Variants in KIF21A observed in about 807,000 individuals in gnomAD.
The protein encoded by KIF21A is kinesin-like protein KIF21A.
KIF21A carries 114 observed loss-of-function variants against 202.9 expected under a neutral mutation model. The ratio of observed to expected loss-of-function variants is 0.56; its 90% CI spans 0.48 to 0.66. The LOEUF is 0.66. Ranked by LOEUF, KIF21A falls within the 30% of genes least tolerant of loss-of-function variation. The probability of loss-of-function intolerance (pLI) is 0.00; values close to 1 mark genes in which losing one functional copy is unlikely to be tolerated. For missense variants in KIF21A, 1,677 were observed against 1,994.9 expected, an observed-to-expected ratio of 0.84 and a Z score of 3.04; for synonymous variants, 667 against 670.8, an observed-to-expected ratio of 0.99 and a Z score of 0.09.
chr12:39,321,214 C>A (rs545179656), intron 27 of KIF21A: 58 of 152,066 alleles, frequency 3.8e-4, no homozygotes, highest in African/African-American at 1.2e-3. Flanking sequence ...TAAAGAATTA[C>A]AAATATATGA....
At chr12:39,430,572 A>G (rs1268390104) in intron 1 of KIF21A, among the ~76,000 whole-genome samples, 1 of 152,068 alleles carries the variant, frequency 6.6e-6, no homozygotes, top group East Asian at 1.9e-4. Flanking sequence ...GTCTCAAAAA[A>G]AAAAAAAGAA....
intron 1 of KIF21A, among the ~76,000 whole-genome samples, chr12:39,372,337 T>C (rs1221816126): frequency 6.6e-6 from 1 of 152,196 alleles, no homozygotes; most frequent in African/African-American, 2.4e-5. Flanking sequence ...TTTAATAAAG[T>C]CTTCAGCTTT....
At chr12:39,295,890 A>C (rs1196427328) in intron 37 of KIF21A, among the ~76,000 whole-genome samples, 1 of 151,020 alleles carries the variant, frequency 6.6e-6, no homozygotes, top group African/African-American at 2.4e-5. Context: ...TTTTTAGTAG[A>C]GATGGGGTTT....
At chr12:39,431,526 G>A (rs1394633937) in intron 1 of KIF21A, among the ~76,000 whole-genome samples, 5 of 152,110 alleles carry the variant, frequency 3.3e-5, no homozygotes, top group African/African-American at 1.2e-4. Context: ...TGGGTTGGTG[G>A]AACAAAACTA....
intron 12 of KIF21A, among the ~76,000 whole-genome samples, chr12:39,343,540 T>C (rs1412851977): frequency 6.6e-6 from 1 of 152,182 alleles, no homozygotes; most frequent in Non-Finnish European, 1.5e-5. Context: ...ATTTCCCTAA[T>C]ACATGGATTG....
In KIF21A at chr12:39,294,258, T is replaced by C; in HGVS notation, c.*166A>G. ...TCTTAAAACTAAGCACACAGGATAG[T>C]ACACAATTTTATTAGAATACCATTT... On this transcript the variant is annotated 3_prime_UTR_variant, in exon 38 of 38. Transcript: ENST00000361418. The C allele has an allele frequency of 1.6e-6, 1 of 623,184 alleles. No individual in the cohort carries two copies. The highest frequency in any genetic ancestry group is 1.8e-5 in the South Asian group (1 of 55,060). The allele number at this position is 623,184 out of a possible 1,614,324, so 38.6% of individuals were successfully genotyped here.
chr12:39,432,701 C>T (rs1566371970), intron 1 of KIF21A, among the ~76,000 whole-genome samples: 2 of 152,054 alleles, frequency 1.3e-5, no homozygotes, highest in African/African-American at 4.8e-5. Context: ...ACCTCGGCCT[C>T]CCGAGTTCAA....
chr12:39,384,518 C>T lies in KIF21A; in HGVS notation c.45-14257G>A, dbSNP rs546176609. On this transcript the variant is annotated intron_variant, in intron 1 of 37. Transcript: ENST00000361418. ...ACTCCCCCATTCTTGGACAAGGCTGCTCCAAATGTTGGCAGCCACATCCAT... is the reference window on the plus strand; with the variant it reads ...ACTCCCCCATTCTTGGACAAGGCTGTTCCAAATGTTGGCAGCCACATCCAT... Among the ~76,000 whole-genome samples the T allele has an allele frequency of 7.2e-5, 11 of 152,286 alleles. No homozygotes were observed. The East Asian group carries it at 2.1e-3, about 29-fold the overall frequency.
Position 39,428,436 on chromosome 12 carries a change from A to C in KIF21A, c.44+14491T>G, listed in dbSNP as rs993870011. Among the ~76,000 whole-genome samples, 142 of 152,328 alleles carry C rather than the reference A, an allele frequency of 9.3e-4. 1 individual carries two copies. The highest frequency in any genetic ancestry group is 3.3e-3 in the African/African-American group (137 of 41,562). ...CCCAAACAAAACTAGTTATCTAGTC[A>C]AAGGTTTCAGTGGCTATTATTGTGT... is the stretch of plus-strand genomic sequence containing the variant. On this transcript the variant is annotated intron_variant, in intron 1 of 37. Coordinates refer to ENST00000361418, the MANE Select transcript of KIF21A (RefSeq NM_001173464.2).
rs1296383416 is a variant in KIF21A, at chr12:39,293,479, C to A, written c.*945G>T. ...CAAGATAGTCTCTCTATACAATCTACCTATTTACATAGCTTTTCCCACCAC... is the reference window on the plus strand; with the variant it reads ...CAAGATAGTCTCTCTATACAATCTAACTATTTACATAGCTTTTCCCACCAC... On this transcript the variant is annotated 3_prime_UTR_variant, in exon 38 of 38. Coordinates refer to ENST00000361418, the MANE Select transcript of KIF21A (RefSeq NM_001173464.2). The A allele has an allele frequency of 6.6e-6, 1 of 152,556 alleles. No individual in the cohort carries two copies. The highest frequency in any genetic ancestry group is 1.5e-5 in the Non-Finnish European group (1 of 68,014). 9.5% of individuals were successfully genotyped at this position (152,556 alleles called of 1,614,324 possible).
At chr12:39,412,435 G>A (rs1298841294) in intron 1 of KIF21A, among the ~76,000 whole-genome samples, 3 of 152,138 alleles carry the variant, frequency 2.0e-5, no homozygotes, top group Non-Finnish European at 4.4e-5. Flanking sequence ...AGTAATTAGC[G>A]CCCAGGTGTG....
chr12:39,438,611 C>T (rs930392213), intron 1 of KIF21A, among the ~76,000 whole-genome samples: 2 of 152,076 alleles, frequency 1.3e-5, no homozygotes, highest in Non-Finnish European at 2.9e-5. Context: ...TAAATTAGAC[C>T]ACATTACACA....
At chr12:39,338,165 C>T (rs59163149) in intron 16 of KIF21A, among the ~76,000 whole-genome samples, 2,298 of 152,086 alleles carry the variant, frequency 0.015, 49 homozygotes, top group African/African-American at 0.051. Context: ...GAGGTGAAGA[C>T]GGTGATATTG....
intron 1 of KIF21A, among the ~76,000 whole-genome samples, chr12:39,414,041 T>A (rs1034835680): frequency 2.2e-4 from 34 of 152,206 alleles, no homozygotes; most frequent in African/African-American, 8.0e-4. Context: ...CATAAACATA[T>A]GTTTCAGTTT....
chr12:39,360,420 C>T (rs1024467547), intron 7 of KIF21A, among the ~76,000 whole-genome samples: 2 of 147,560 alleles, frequency 1.4e-5, no homozygotes, highest in African/African-American at 5.1e-5. Context: ...GATGGAGTCT[C>T]ACTCTGTCAC....
chr12:39,358,346 G>T lies in KIF21A; in HGVS notation c.1047C>A (p.Ser349Arg). 1 of 1,614,008 alleles carries T rather than the reference G, an allele frequency of 6.2e-7. No homozygotes were observed. Among genetic ancestry groups the T allele is most frequent in the Non-Finnish European group, 8.5e-7 (1 of 1,179,904 alleles). Residue 349 changes from serine (S) to arginine (R), a missense_variant, in exon 8 of 38, where the codon AGC becomes AGA. Physicochemically the swap from Ser to Arg is moderately radical, Grantham distance 110. Around this residue, in one of 3 missense-constraint regions of KIF21A, gnomAD observed 966 missense variants for 1,180.9 expected, o/e 0.82. Coordinates refer to ENST00000361418, the MANE Select transcript of KIF21A (RefSeq NM_001173464.2). ...NSQTIMIACVSPSDRDFMETL... is the reference protein window; with the variant it reads ...NSQTIMIACVRPSDRDFMETL... Reference sequence around the variant, plus strand: ...TTTCCATAAAGTCTCTGTCTGAAGGGCTGACACATGCTATCATGATTGTTT... The same window carrying T: ...TTTCCATAAAGTCTCTGTCTGAAGGTCTGACACATGCTATCATGATTGTTT...
chr12:39,412,029 G>A (rs1047699664), intron 1 of KIF21A, among the ~76,000 whole-genome samples: 7 of 151,682 alleles, frequency 4.6e-5, no homozygotes, highest in African/African-American at 9.7e-5. Context: ...TTGTAGAGAC[G>A]GGGTTTTTAC....
chr12:39,374,077 C>T (rs557693800), intron 1 of KIF21A, among the ~76,000 whole-genome samples: 1 of 152,268 alleles, frequency 6.6e-6, no homozygotes, highest in South Asian at 2.1e-4. Context: ...TTTAATTCCT[C>T]TTGAAAAATT....
chr12:39,316,353 C>T (rs1012762754), intron 29 of KIF21A, among the ~76,000 whole-genome samples: 4 of 151,600 alleles, frequency 2.6e-5, no homozygotes, highest in Non-Finnish European at 4.4e-5. Context: ...AACTGTTGAT[C>T]AATTTTATTC....
Sources: allele counts gnomAD v4.1 joint callset (sites outside exome capture counted in the v4.1 genomes callset), GRCh38; gene constraint gnomAD v4.1.1; regional missense constraint gnomAD v4.1.1; transcripts MANE v1.5; gene names NCBI Gene and HGNC (gene_info 2026-07-23, HGNC 2026-07-21).